The following SNX4 variants were observed in gnomAD, a reference collection of about 807,000 sequenced individuals.
SNX4 encodes sorting nexin 4, also known as sorting nexin-4.
A neutral mutation model predicts 70.8 loss-of-function variants in SNX4; 49 were observed. That is an observed-to-expected ratio of 0.69 (90% CI 0.55 to 0.88). SNX4 has a LOEUF of 0.88. SNX4 is among the 40% of genes least tolerant of loss of function. The pLI, the probability that SNX4 is intolerant of heterozygous loss-of-function variation, is 0.00. For synonymous variants in SNX4, 206 were observed against 183.8 expected, an observed-to-expected ratio of 1.12 and a Z score of -0.98; for missense variants, 528 against 544.8, an observed-to-expected ratio of 0.97 and a Z score of 0.31.
At position 125,489,764 on chromosome 3, in the gene SNX4, ATG is replaced by A. The variant is rs750407207; in HGVS notation, c.598-303_598-302del. The stretch of plus-strand genomic sequence containing the variant: ...GCATTATTAGAATTCGGAAGAGGTC[ATG>A]TGAAAACAGTAGTTTTTCTCTAGGC... On this transcript the variant is annotated intron_variant, in intron 5 of 13. Coordinates refer to ENST00000251775, the MANE Select transcript of SNX4 (RefSeq NM_003794.4). 3.7e-4 allele frequency among the ~76,000 whole-genome samples: 57 copies of A among 152,364 alleles called. 1 individual carries two copies. The highest frequency in any genetic ancestry group is 7.1e-4 in the Non-Finnish European group (48 of 68,046).
At chr3:125,472,576 A>C (rs954713480) in intron 8 of SNX4, among the ~76,000 whole-genome samples, 2 of 152,354 alleles carry the variant, frequency 1.3e-5, no homozygotes, top group African/African-American at 4.8e-5. Flanking sequence ...TTTTGCATGA[A>C]TTGATAAAAC....
At position 125,453,998 on chromosome 3, in the gene SNX4, GCATACA is replaced by G. The variant is rs758535009; in HGVS notation, c.1045-49_1045-44del. The G allele has an allele frequency of 4.5e-6, 7 of 1,544,488 alleles. 1 individual carries two copies. The South Asian group carries it at 6.8e-5, about 15-fold the overall frequency. ...CAGATGAATGGATAAACAAAATGCG[GCATACA>G]CATACACATACAATGGAACATTATT... is the stretch of plus-strand genomic sequence containing the variant. On this transcript the variant is annotated intron_variant, in intron 11 of 13. Coordinates refer to ENST00000251775, the MANE Select transcript of SNX4 (RefSeq NM_003794.4).
chr3:125,479,573 A>ATAT (rs573981433), intron 7 of SNX4, among the ~76,000 whole-genome samples: 75 of 151,910 alleles, frequency 4.9e-4, no homozygotes, highest in Non-Finnish European at 7.2e-4. Flanking sequence ...AATAATAATA[A>ATAT]TAATAATAAC....
intron 1 of SNX4, among the ~76,000 whole-genome samples, chr3:125,505,027 T>C (rs955797862): frequency 3.3e-5 from 5 of 152,234 alleles, no homozygotes; most frequent in African/African-American, 4.8e-5. Flanking sequence ...TGAAGTGCAC[T>C]GGCGCGATCT....
At chr3:125,502,031 T>C (rs1037776825) in intron 2 of SNX4, among the ~76,000 whole-genome samples, 1 of 152,230 alleles carries the variant, frequency 6.6e-6, no homozygotes, top group Admixed American at 6.5e-5. Flanking sequence ...CTCCTAGCAG[T>C]AAAAGTAATC....
In SNX4 at chr3:125,489,408, T is replaced by C. The variant is rs1023866703; in HGVS notation, c.653A>G (p.Lys218Arg). ...NATFRVKNPD[K>R]RFTDLKHYSD... ...AACTGTTATTAAAACAAAACCTTAC[T>C]TGTCTGGGTTTTTCACTCTGAATGT... Residue 218 changes from lysine (K) to arginine (R), a missense_variant and splice_region_variant, in exon 6 of 14, where the codon AAG becomes AGG. Around this residue, in one of 3 missense-constraint regions of SNX4, gnomAD observed 341 missense variants for 312.2 expected, o/e 1.09. Coordinates refer to ENST00000251775, the MANE Select transcript of SNX4 (RefSeq NM_003794.4). 1 of 1,611,126 alleles carries C rather than the reference T, an allele frequency of 6.2e-7. No homozygotes were observed.
intron 2 of SNX4, among the ~76,000 whole-genome samples, chr3:125,503,277 T>C (rs773421649): frequency 5.9e-5 from 9 of 152,202 alleles, no homozygotes; most frequent in Non-Finnish European, 1.0e-4. Context: ...ATTGAAAGCA[T>C]TTCTGCTCAA....
chr3:125,455,512 T>C (rs972735476), intron 11 of SNX4, among the ~76,000 whole-genome samples: 4 of 151,912 alleles, frequency 2.6e-5, no homozygotes, highest in African/African-American at 9.7e-5. Context: ...CTCTCTGGAG[T>C]TTACTGAAGA....
chr3:125,516,032 A>T (rs1935272087), intron 1 of SNX4, among the ~76,000 whole-genome samples: 1 of 152,202 alleles, frequency 6.6e-6, no homozygotes, highest in Non-Finnish European at 1.5e-5. Context: ...TACTCCATTT[A>T]GTTCTCTGCT....
intron 10 of SNX4, among the ~76,000 whole-genome samples, chr3:125,459,686 G>A (rs1322700550): frequency 6.6e-6 from 1 of 151,912 alleles, no homozygotes; most frequent in Non-Finnish European, 1.5e-5. Flanking sequence ...TGATCCATCC[G>A]CCTTGGGCTC....
intron 1 of SNX4, among the ~76,000 whole-genome samples, chr3:125,509,523 G>A (rs1295435954): frequency 2.6e-5 from 4 of 151,538 alleles, no homozygotes; most frequent in Admixed American, 1.3e-4. Context: ...AGGCCAAGGC[G>A]GGTGGATCAC....
chr3:125,455,706 A>G (rs1282452279), intron 11 of SNX4, among the ~76,000 whole-genome samples: 1 of 152,170 alleles, frequency 6.6e-6, no homozygotes, highest in East Asian at 1.9e-4. Context: ...ATCTCTGTGA[A>G]AAGCACTTTT....
In SNX4 at chr3:125,504,613, T is replaced by C. The variant is rs2107565613; in HGVS notation, c.263+10A>G. 1.2e-6 allele frequency: 2 copies of C among 1,608,634 alleles called. No homozygotes were observed. On this transcript the variant is annotated intron_variant, in intron 2 of 13. Transcript: ENST00000251775. ...TGTCTACCTGCCCAGGTGTAATTTCTGTTACCCACCTTGTTTCAATGAGGT... is the reference window on the plus strand; with the variant it reads ...TGTCTACCTGCCCAGGTGTAATTTCCGTTACCCACCTTGTTTCAATGAGGT...
chr3:125,509,410 T>C (rs1409278744), intron 1 of SNX4, among the ~76,000 whole-genome samples: 1 of 150,838 alleles, frequency 6.6e-6, no homozygotes, highest in Non-Finnish European at 1.5e-5. Context: ...GTATTTTCTC[T>C]CACGGATCCA....
intron 1 of SNX4, among the ~76,000 whole-genome samples, chr3:125,507,139 C>A (rs1376342856): frequency 7.3e-6 from 1 of 136,606 alleles, no homozygotes; most frequent in Admixed American, 8.1e-5. Flanking sequence ...ACCCAGGAGG[C>A]GGAGGTTGCA....
chr3:125,458,976 C>A (rs1559810063), intron 10 of SNX4, among the ~76,000 whole-genome samples: 1 of 151,846 alleles, frequency 6.6e-6, no homozygotes, highest in Non-Finnish European at 1.5e-5. Context: ...GAGTTCAAGA[C>A]CAGCCTGACC....
At chr3:125,519,439 TA>T (rs1935349768) in intron 1 of SNX4, among the ~76,000 whole-genome samples, 2 of 152,148 alleles carry the variant, frequency 1.3e-5, no homozygotes, top group African/African-American at 4.8e-5. Context: ...ATGAGGAGTC[TA>T]AAAAATGTTT....
At chr3:125,499,480 A>G (rs1934877734) in intron 2 of SNX4, among the ~76,000 whole-genome samples, 1 of 152,228 alleles carries the variant, frequency 6.6e-6, no homozygotes, top group Non-Finnish European at 1.5e-5. Flanking sequence ...ATTAATAAAA[A>G]TGAACCAAAA....
At chr3:125,490,847 A>G (rs2107553393) in intron 5 of SNX4, among the ~76,000 whole-genome samples, 1 of 152,220 alleles carries the variant, frequency 6.6e-6, no homozygotes, top group East Asian at 1.9e-4. Flanking sequence ...ATTAGGGTTC[A>G]TAAAAGGTAG....
Sources: allele counts gnomAD v4.1 joint callset (sites outside exome capture counted in the v4.1 genomes callset), GRCh38; gene constraint gnomAD v4.1.1; regional missense constraint gnomAD v4.1.1; transcripts MANE v1.5; gene names NCBI Gene and HGNC (gene_info 2026-07-23, HGNC 2026-07-21).